The following FGGY variants were observed in gnomAD, a reference collection of about 807,000 sequenced individuals.
FGGY encodes FGGY carbohydrate kinase domain-containing protein.
A neutral mutation model predicts 71.3 loss-of-function variants in FGGY; 72 were observed. That is an observed-to-expected ratio of 1.01 (90% CI 0.84 to 1.23). FGGY has a LOEUF of 1.23. Ranked by LOEUF, FGGY falls within the 50% of genes most tolerant of loss-of-function variation. The probability of loss-of-function intolerance (pLI) is 0.00; values close to 1 mark genes in which losing one functional copy is unlikely to be tolerated. For missense variants in FGGY, 668 were observed against 682.3 expected (o/e 0.98, Z 0.23); for synonymous variants, 251 against 250.3 (o/e 1.00, Z -0.02).
chr1:59,648,810 A>G (rs1458000001), intron 11 of FGGY, among the ~76,000 whole-genome samples: 1 of 152,172 alleles, frequency 6.6e-6, no homozygotes, highest in African/African-American at 2.4e-5. Flanking sequence ...TGTTTTAGAC[A>G]TGAAGTCCTT....
At chr1:59,445,330 G>A (rs1215912772) in intron 5 of FGGY, among the ~76,000 whole-genome samples, 1 of 152,112 alleles carries the variant, frequency 6.6e-6, no homozygotes, top group Non-Finnish European at 1.5e-5. Context: ...TCCCTGCTCT[G>A]GCACTTGCCT....
chr1:59,435,014 T>C (rs1288933409), intron 5 of FGGY, among the ~76,000 whole-genome samples: 2 of 152,180 alleles, frequency 1.3e-5, no homozygotes, highest in African/African-American at 4.8e-5. Context: ...CTGGGACAGA[T>C]GCGGGGCAGA....
rs143614701 is a variant in FGGY, at chr1:59,572,096, T to A, written c.903+17869T>A. Among the ~76,000 whole-genome samples, 195 of 152,298 alleles carry A rather than the reference T, an allele frequency of 1.3e-3. 2 individuals carry two copies. Among genetic ancestry groups the A allele is most frequent in the African/African-American group, 4.7e-3 (195 of 41,568 alleles). ...ATACATGAGTACTTAACAGTTTTTT[T>A]AATGTTCACATAAGTTTTATACACT... On this transcript the variant is annotated intron_variant, in intron 8 of 15. Transcript: ENST00000303721.
Position 59,554,124 on chromosome 1 carries a change from G to A in FGGY, c.800G>A (p.Gly267Glu). Residue 267 changes from glycine to glutamate, a missense_variant and splice_region_variant, in exon 8 of 16, where the codon GGA (glycine) becomes GAA (glutamate). Gly to Glu is a moderately conservative substitution (Grantham distance 98, BLOSUM62 -2). Coordinates refer to ENST00000303721, the MANE Select transcript of FGGY (RefSeq NM_018291.5). ...SLIDAHAGGL[G>E]VIGADVRGHG... ...TTGTTTTTGTTTTCCTTTCTCACAGGAGTGATTGGGGCAGATGTGAGAGGG... is the reference window on the plus strand; with the variant it reads ...TTGTTTTTGTTTTCCTTTCTCACAGAAGTGATTGGGGCAGATGTGAGAGGG... 1 of 1,598,984 alleles carries A rather than the reference G, an allele frequency of 6.3e-7. No individual in the cohort carries two copies. The highest frequency in any genetic ancestry group is 1.1e-5 in the South Asian group (1 of 90,502).
chr1:59,388,989 C>T (rs1350266391), intron 5 of FGGY, among the ~76,000 whole-genome samples: 1 of 152,060 alleles, frequency 6.6e-6, no homozygotes. Context: ...GCTCTGTCGC[C>T]CAGGCCGGAG....
At chr1:59,519,727 C>T (rs2094770958) in intron 7 of FGGY, among the ~76,000 whole-genome samples, 1 of 152,222 alleles carries the variant, frequency 6.6e-6, no homozygotes, top group Admixed American at 6.5e-5. Context: ...TGATACTGCT[C>T]AGACTTTATA....
Position 59,472,050 on chromosome 1 carries a change from G to A in FGGY, c.670+14974G>A, listed in dbSNP as rs569490792. Among the ~76,000 whole-genome samples, 255 of 152,366 alleles carry A rather than the reference G, an allele frequency of 1.7e-3. 1 individual carries two copies. The highest frequency in any genetic ancestry group is 6.0e-3 in the African/African-American group (249 of 41,586). ...TGGCGGCACTTGAGCCCTTCAGCCC[G>A]CCGCTGCACTGTGGGAGCCCCTTTC... On this transcript the variant is annotated intron_variant, in intron 6 of 15. Coordinates refer to ENST00000303721, the MANE Select transcript of FGGY (RefSeq NM_018291.5).
chr1:59,532,968 G>A (rs1260017760), intron 7 of FGGY, among the ~76,000 whole-genome samples: 1 of 152,128 alleles, frequency 6.6e-6, no homozygotes, highest in East Asian at 1.9e-4. Context: ...CTAATCCAGA[G>A]GCAACCATTT....
rs1266491923 is a variant in FGGY, at chr1:59,584,470, C to T, written c.904-23333C>T. Among the ~76,000 whole-genome samples, 28 of 149,882 alleles carry T rather than the reference C, an allele frequency of 1.9e-4. 5 individuals are homozygous for T. The highest frequency in any genetic ancestry group is 5.8e-4 in the East Asian group (3 of 5,152). Reference sequence around the variant, plus strand: ...AAAGGCCTTTGACAAAATTCAACAACGCTTCATGCTAAAAACTCTCAATAA... The same window carrying T: ...AAAGGCCTTTGACAAAATTCAACAATGCTTCATGCTAAAAACTCTCAATAA... On this transcript the variant is annotated intron_variant, in intron 8 of 15. Coordinates refer to ENST00000303721, the MANE Select transcript of FGGY (RefSeq NM_018291.5).
rs1406646896 is a variant in FGGY at position 59,321,607 on chromosome 1, G to A, written c.58G>A (p.Gly20Ser). The change falls in exon 2 of 16, where the codon GGC becomes AGC. Residue 20 changes from glycine to serine, a missense_variant. By Grantham distance (56) the Gly-to-Ser change is moderately conservative. Around this residue, in one of 2 missense-constraint regions of FGGY, gnomAD observed 661 missense variants for 661.6 expected, o/e 1.00. Coordinates refer to ENST00000303721, the MANE Select transcript of FGGY (RefSeq NM_018291.5). ...RYYVGVDVGTGSVRAALVDQS... is the reference protein window; with the variant it reads ...RYYVGVDVGTSSVRAALVDQS... ...CTATGTGGGTGTGGACGTTGGAACA[G>A]GCAGTGTCCGTGCAGCTCTGGTGGA... is the stretch of plus-strand genomic sequence containing the variant. The A allele has an allele frequency of 1.6e-5, 26 of 1,613,850 alleles. No homozygotes were observed. Among genetic ancestry groups the A allele is most frequent in the Non-Finnish European group, 2.1e-5 (25 of 1,179,882 alleles).
chr1:59,759,084 G>A (rs949438558), intron 15 of FGGY, among the ~76,000 whole-genome samples: 8 of 152,150 alleles, frequency 5.3e-5, no homozygotes, highest in African/African-American at 1.2e-4. Context: ...TGAAGATGAA[G>A]GGGCTGTTGT....
intron 8 of FGGY, among the ~76,000 whole-genome samples, chr1:59,588,224 C>A (rs547124046): frequency 1.3e-5 from 2 of 151,836 alleles, no homozygotes; most frequent in African/African-American, 4.8e-5. Context: ...TGAAATGAAG[C>A]GAGAAGGGAA....
At chr1:59,510,314 G>A (rs1488186630) in intron 6 of FGGY, among the ~76,000 whole-genome samples, 1 of 151,964 alleles carries the variant, frequency 6.6e-6, no homozygotes, top group African/African-American at 2.4e-5. Context: ...CTTCACAGAG[G>A]GTTAATATGA....
intron 14 of FGGY, among the ~76,000 whole-genome samples, chr1:59,751,361 G>GT (rs1007281243): frequency 4.6e-5 from 7 of 152,110 alleles, no homozygotes; most frequent in African/African-American, 1.7e-4. Flanking sequence ...ACACCACAGT[G>GT]TTTTTTAACC....
At chr1:59,604,935 T>A (rs1172006744) in intron 8 of FGGY, among the ~76,000 whole-genome samples, 6 of 152,148 alleles carry the variant, frequency 3.9e-5, no homozygotes, top group Non-Finnish European at 8.8e-5. Flanking sequence ...TTTCTAGAAT[T>A]GGCACGTGAT....
At chr1:59,384,154 C>G (rs562496189) in intron 5 of FGGY, among the ~76,000 whole-genome samples, 1 of 152,266 alleles carries the variant, frequency 6.6e-6, no homozygotes, top group African/African-American at 2.4e-5. Context: ...CTAATCATCC[C>G]TGCCATTTTT....
chr1:59,346,106 T>G (rs1006559987), intron 3 of FGGY, 141 bp from the exon 4 acceptor site: 3 of 1,055,594 alleles, frequency 2.8e-6, no homozygotes, highest in Admixed American at 5.1e-5. Flanking sequence ...GCCTTGCTGG[T>G]GTCCTTTCAT....
chr1:59,334,132 C>T (rs1350402293), intron 2 of FGGY, among the ~76,000 whole-genome samples: 1 of 152,042 alleles, frequency 6.6e-6, no homozygotes, highest in African/African-American at 2.4e-5. Flanking sequence ...GCCAATCATC[C>T]ACTTCTTTTA....
chr1:59,551,580 A>G (rs2095609171), intron 7 of FGGY, among the ~76,000 whole-genome samples: 1 of 152,150 alleles, frequency 6.6e-6, no homozygotes. Flanking sequence ...AGATAAGTGA[A>G]CATTGGTTGC....
Sources: allele counts gnomAD v4.1 joint callset (sites outside exome capture counted in the v4.1 genomes callset), GRCh38; gene constraint gnomAD v4.1.1; regional missense constraint gnomAD v4.1.1; transcripts MANE v1.5; gene names NCBI Gene and HGNC (gene_info 2026-07-23, HGNC 2026-07-21).